LRRC4C: variants seen among roughly 807,000 people sequenced by gnomAD.
LRRC4C encodes the protein leucine-rich repeat-containing protein 4C.
A neutral mutation model predicts 33.6 loss-of-function variants in LRRC4C; 5 were observed. The ratio of observed to expected loss-of-function variants is 0.15; its 90% CI spans 0.08 to 0.31. LRRC4C has a LOEUF of 0.31. LRRC4C is among the 10% of genes least tolerant of loss of function. The pLI is 1.00. For synonymous variants in LRRC4C, 329 were observed against 302.0 expected (o/e 1.09, Z -0.93); for missense variants, 560 against 796.7 (o/e 0.70, Z 3.58).
chr11:41,163,977 T>G (rs1056472253), intron 1 of LRRC4C, among the ~76,000 whole-genome samples: 27 of 152,154 alleles, frequency 1.8e-4, no homozygotes, highest in African/African-American at 6.0e-4. Context: ...TGTACATATT[T>G]ATGGGGTACA....
At chr11:40,502,087 TA>T (rs1194783287) in intron 3 of LRRC4C, among the ~76,000 whole-genome samples, 1 of 152,146 alleles carries the variant, frequency 6.6e-6, no homozygotes, top group African/African-American at 2.4e-5. Flanking sequence ...TGCTACAACA[TA>T]ACAAGAGTCA....
At chr11:40,223,484 C>T (rs1259863965) in intron 5 of LRRC4C, among the ~76,000 whole-genome samples, 1 of 152,136 alleles carries the variant, frequency 6.6e-6, no homozygotes, top group Non-Finnish European at 1.5e-5. Context: ...GAGCACTGGA[C>T]AGGATAAAAA....
intron 1 of LRRC4C, among the ~76,000 whole-genome samples, chr11:41,364,493 C>T (rs1028834448): frequency 1.3e-5 from 2 of 152,050 alleles, no homozygotes; most frequent in African/African-American, 4.8e-5. Flanking sequence ...CCAGGCTGGT[C>T]TCGAACTCCT....
chr11:40,757,787 A>G (rs1341081335), intron 2 of LRRC4C, among the ~76,000 whole-genome samples: 1 of 151,846 alleles, frequency 6.6e-6, no homozygotes, highest in Non-Finnish European at 1.5e-5. Flanking sequence ...ACAAAGAAAC[A>G]TTTTTCCTGT....
intron 2 of LRRC4C, among the ~76,000 whole-genome samples, chr11:40,919,372 C>T (rs1444135720): frequency 6.6e-6 from 1 of 152,092 alleles, no homozygotes. Context: ...AATGACAGTT[C>T]TTAATTTGTA....
chr11:40,546,626 A>G (rs1456222037), intron 3 of LRRC4C, among the ~76,000 whole-genome samples: 1 of 152,122 alleles, frequency 6.6e-6, no homozygotes, highest in Non-Finnish European at 1.5e-5. Flanking sequence ...ACCTACAGAA[A>G]TAAATAGTTG....
intron 1 of LRRC4C, among the ~76,000 whole-genome samples, chr11:41,315,869 A>C (rs1357463000): frequency 6.6e-6 from 1 of 152,218 alleles, no homozygotes; most frequent in African/African-American, 2.4e-5. Flanking sequence ...GAGCTCAATA[A>C]ATAGATGTAC....
chr11:40,570,697 T>G (rs1957948274), intron 3 of LRRC4C, among the ~76,000 whole-genome samples: 1 of 152,142 alleles, frequency 6.6e-6, no homozygotes, highest in Admixed American at 6.6e-5. Context: ...CTATTTCTCT[T>G]CAGATATTAT....
At chr11:41,228,572 T>C (rs1947645556) in intron 1 of LRRC4C, among the ~76,000 whole-genome samples, 1 of 152,172 alleles carries the variant, frequency 6.6e-6, no homozygotes, top group Admixed American at 6.6e-5. Context: ...GAAATTTCAC[T>C]GCAATAGAAC....
chr11:40,779,242 A>G (rs527262102), intron 2 of LRRC4C, among the ~76,000 whole-genome samples: 105 of 152,322 alleles, frequency 6.9e-4, no homozygotes, highest in African/African-American at 2.4e-3. Flanking sequence ...TTTTGGCTTC[A>G]TCTACTGAGT....
intron 1 of LRRC4C, among the ~76,000 whole-genome samples, chr11:41,121,493 C>T (rs1392915852): frequency 6.6e-6 from 1 of 152,128 alleles, no homozygotes; most frequent in African/African-American, 2.4e-5. Context: ...CCAACGCCTT[C>T]CCCTTCCTAG....
chr11:41,448,122 G>GTTT (rs71063918), intron 1 of LRRC4C, among the ~76,000 whole-genome samples: 1,084 of 46,880 alleles, frequency 0.023, 134 homozygotes, highest in African/African-American at 0.079. Flanking sequence ...GCACACGTCT[G>GTTT]TTTTTTTTTT....
At chr11:40,896,841 A>G (rs1472004429) in intron 2 of LRRC4C, among the ~76,000 whole-genome samples, 1 of 152,220 alleles carries the variant, frequency 6.6e-6, no homozygotes, top group Non-Finnish European at 1.5e-5. Flanking sequence ...GGCACTGTCA[A>G]GGAGACGTAT....
intron 1 of LRRC4C, among the ~76,000 whole-genome samples, chr11:41,325,257 T>C (rs1951074310): frequency 6.6e-6 from 1 of 152,118 alleles, no homozygotes; most frequent in African/African-American, 2.4e-5. Context: ...TTGTGAATGA[T>C]TCTTGACAAA....
chr11:40,535,922 G>T (rs892160640), intron 3 of LRRC4C, among the ~76,000 whole-genome samples: 1 of 152,150 alleles, frequency 6.6e-6, no homozygotes. Flanking sequence ...TTTTGCAGAC[G>T]CTATGCATTT....
intron 3 of LRRC4C, among the ~76,000 whole-genome samples, chr11:40,523,541 T>C (rs1040928053): frequency 1.3e-5 from 2 of 149,318 alleles, no homozygotes; most frequent in South Asian, 2.1e-4. Context: ...ATAAATATTA[T>C]ATATAAATGA....
rs557242630 is a variant in LRRC4C, at chr11:40,514,315, C to T, written c.-270+133827G>A. ...GCAAAGGGCTTAGCACAGTGCACTA[C>T]ACCCTAGTGGTAAAGTGATGTTGTT... On this transcript the variant is annotated intron_variant, in intron 3 of 6. Coordinates refer to ENST00000528697, the MANE Select transcript of LRRC4C (RefSeq NM_001258419.2). Among the ~76,000 whole-genome samples the T allele has an allele frequency of 2.0e-5, 3 of 152,322 alleles. No homozygotes were observed. The South Asian group carries it at 6.2e-4, about 32-fold the overall frequency.
intron 2 of LRRC4C, among the ~76,000 whole-genome samples, chr11:40,802,857 C>T (rs567241520): frequency 3.0e-4 from 45 of 152,306 alleles, no homozygotes; most frequent in African/African-American, 1.0e-3. Context: ...ATTTAGAGGA[C>T]ACTGACATTG....
At chr11:40,847,454 G>C (rs553684182) in intron 2 of LRRC4C, among the ~76,000 whole-genome samples, 2 of 152,246 alleles carry the variant, frequency 1.3e-5, no homozygotes, top group South Asian at 4.1e-4. Context: ...TATGTTTGTT[G>C]ATCTGCGTAT....
Sources: allele counts gnomAD v4.1 joint callset (sites outside exome capture counted in the v4.1 genomes callset), GRCh38; gene constraint gnomAD v4.1.1; transcripts MANE v1.5; gene names NCBI Gene and HGNC (gene_info 2026-07-23, HGNC 2026-07-21).